PDZRN3: variants seen among roughly 807,000 people sequenced by gnomAD.
PDZRN3 encodes E3 ubiquitin-protein ligase PDZRN3.
A neutral mutation model predicts 85.7 loss-of-function variants in PDZRN3; 38 were observed. The observed-to-expected ratio is 0.44, with a 90% CI of 0.34 to 0.58. PDZRN3 has a LOEUF of 0.58. Ranked by LOEUF, PDZRN3 falls within the 20% of genes least tolerant of loss-of-function variation. The pLI is 0.01. For missense variants in PDZRN3, 1,629 were observed against 1,506.4 expected (o/e 1.08, Z -1.35); for synonymous variants, 759 against 638.0 (o/e 1.19, Z -2.86).
At chr3:73,432,977 G>T (rs1575650676) in intron 3 of PDZRN3, among the ~76,000 whole-genome samples, 1 of 152,122 alleles carries the variant, frequency 6.6e-6, no homozygotes, top group Non-Finnish European at 1.5e-5. Context: ...TAAATTATCT[G>T]GGTTGTATCG....
chr3:73,456,942 A>T (rs976257462), intron 3 of PDZRN3, among the ~76,000 whole-genome samples: 1 of 152,108 alleles, frequency 6.6e-6, no homozygotes, highest in Non-Finnish European at 1.5e-5. Context: ...GTAGGGGGAA[A>T]AAAAAAACAC....
intron 3 of PDZRN3, among the ~76,000 whole-genome samples, chr3:73,511,301 C>G (rs1316431196): frequency 6.6e-6 from 1 of 152,116 alleles, no homozygotes; most frequent in Non-Finnish European, 1.5e-5. Flanking sequence ...AACAGAAAGG[C>G]CCAAGCAGGA....
chr3:73,447,197 C>A (rs542856616), intron 3 of PDZRN3, among the ~76,000 whole-genome samples: 11 of 151,856 alleles, frequency 7.2e-5, no homozygotes, highest in South Asian at 4.2e-4. Context: ...CTTTGTGCCC[C>A]TTCTTCAACT....
intron 3 of PDZRN3, among the ~76,000 whole-genome samples, chr3:73,548,054 G>C (rs1477392125): frequency 1.3e-5 from 2 of 152,082 alleles, no homozygotes; most frequent in African/African-American, 4.8e-5. Context: ...TGCTTGCTGA[G>C]ATAAGTCTGG....
chr3:73,552,271 T>C (rs983845643), intron 3 of PDZRN3, among the ~76,000 whole-genome samples: 2 of 148,826 alleles, frequency 1.3e-5, no homozygotes, highest in African/African-American at 5.0e-5. Flanking sequence ...CCCAAACACC[T>C]TAGAACAGTC....
rs762995967 is a variant in PDZRN3 at position 73,383,943 on chromosome 3, C to T, written c.2623G>A (p.Ala875Thr). ...TAGCTCTGGTAGTGCTGGGCGTGCG[C>T]CGGGATGTGCGCGTGCTTGTATGGG... ...HSPYKHAHIPAHAQHYQSYMQ... is the reference protein window; with the variant it reads ...HSPYKHAHIPTHAQHYQSYMQ... The change falls in exon 10 of 10, where the codon GCG (alanine) becomes ACG (threonine). Residue 875 changes from alanine (A) to threonine (T), a missense_variant. By Grantham distance (58) the Ala-to-Thr change is moderately conservative. Coordinates refer to ENST00000263666, the MANE Select transcript of PDZRN3 (RefSeq NM_015009.3). 2 of 1,604,600 alleles carry T rather than the reference C, an allele frequency of 1.2e-6. No homozygotes were observed. Among genetic ancestry groups the T allele is most frequent in the Non-Finnish European group, 1.7e-6 (2 of 1,175,980 alleles).
chr3:73,614,894 A>G (rs1702737750), intron 1 of PDZRN3, among the ~76,000 whole-genome samples: 1 of 152,198 alleles, frequency 6.6e-6, no homozygotes, highest in African/African-American at 2.4e-5. Flanking sequence ...ACCCAGCTCT[A>G]AGGAAGTGAT....
rs1249845563 is a variant in PDZRN3, at chr3:73,384,308, T to C, written c.2258A>G (p.Asp753Gly). ...GCCTGTGTTGTAGGCGCTCGAGCTGTCCTTGTCGGATTTCTCCGGGAGCTC... is the reference window on the plus strand; with the variant it reads ...GCCTGTGTTGTAGGCGCTCGAGCTGCCCTTGTCGGATTTCTCCGGGAGCTC... Reference protein sequence around the residue: ...ITELPEKSDKDSSSAYNTGES... With the variant: ...ITELPEKSDKGSSSAYNTGES... The change falls in exon 10 of 10, where the codon GAC becomes GGC. Residue 753 changes from aspartate (D) to glycine (G), a missense_variant. Asp to Gly is a moderately conservative substitution (Grantham distance 94). Transcript: ENST00000263666. The C allele has an allele frequency of 1.2e-6, 2 of 1,612,382 alleles. No individual in the cohort carries two copies. Among genetic ancestry groups the C allele is most frequent in the Non-Finnish European group, 1.7e-6 (2 of 1,179,980 alleles).
chr3:73,388,918 A>G lies in PDZRN3; in HGVS notation c.1417-849T>C, dbSNP rs541492983. On this transcript the variant is annotated intron_variant, in intron 7 of 9. Transcript: ENST00000263666. ...TTCTCAGTAGTAAAGGTTAATGGAA[A>G]ACTCCAGCAATCAAAAAAAAAAAAA... Among the ~76,000 whole-genome samples the G allele has an allele frequency of 5.8e-4, 65 of 111,142 alleles. 1 individual carries two copies. The South Asian group carries it at 8.8e-3, about 15-fold the overall frequency. 72.9% of individuals were successfully genotyped at this position (111,142 alleles called of 152,430 possible).
At chr3:73,604,483 G>A (rs1702564606) in intron 2 of PDZRN3, among the ~76,000 whole-genome samples, 1 of 152,150 alleles carries the variant, frequency 6.6e-6, no homozygotes, top group Non-Finnish European at 1.5e-5. Flanking sequence ...AAACTGAGGC[G>A]AAGCGGATCC....
chr3:73,543,307 A>C (rs1333857075), intron 3 of PDZRN3, among the ~76,000 whole-genome samples: 1 of 152,222 alleles, frequency 6.6e-6, no homozygotes, highest in Non-Finnish European at 1.5e-5. Context: ...GAACTGCCTT[A>C]TACACATTTA....
At chr3:73,471,988 A>C (rs1257332141) in intron 3 of PDZRN3, among the ~76,000 whole-genome samples, 1 of 151,388 alleles carries the variant, frequency 6.6e-6, no homozygotes, top group Non-Finnish European at 1.5e-5. Flanking sequence ...TACGGGGAAA[A>C]GACCAACAAA....
intron 1 of PDZRN3, among the ~76,000 whole-genome samples, chr3:73,622,175 G>T (rs999990471): frequency 6.6e-6 from 1 of 152,186 alleles, no homozygotes; most frequent in Non-Finnish European, 1.5e-5. Context: ...CCAGTCTTTT[G>T]TGTGCCTGTG....
chr3:73,411,440 G>C (rs1010075847), intron 3 of PDZRN3, among the ~76,000 whole-genome samples: 2 of 152,190 alleles, frequency 1.3e-5, no homozygotes, highest in African/African-American at 4.8e-5. Context: ...CCCTGCTTAG[G>C]GATGTGTAGG....
intron 5 of PDZRN3, among the ~76,000 whole-genome samples, chr3:73,395,825 A>G (rs1242769596): frequency 6.6e-6 from 1 of 152,244 alleles, no homozygotes; most frequent in Non-Finnish European, 1.5e-5. Flanking sequence ...CTGGGTGCCT[A>G]CTATATGCCA....
chr3:73,492,432 C>A (rs930932696), intron 3 of PDZRN3, among the ~76,000 whole-genome samples: 1 of 152,190 alleles, frequency 6.6e-6, no homozygotes, highest in African/African-American at 2.4e-5. Flanking sequence ...GAATTTATGA[C>A]CCTTGCCTTG....
intron 3 of PDZRN3, among the ~76,000 whole-genome samples, chr3:73,507,921 C>T (rs533880333): frequency 8.0e-4 from 122 of 152,140 alleles, no homozygotes; most frequent in African/African-American, 2.8e-3. Context: ...GGTAAAACCC[C>T]GTTTCTACTA....
At chr3:73,603,117 T>C (rs758380938) in intron 2 of PDZRN3, among the ~76,000 whole-genome samples, 7 of 152,252 alleles carry the variant, frequency 4.6e-5, no homozygotes, top group Non-Finnish European at 1.0e-4. Flanking sequence ...ATACTTATTG[T>C]TCATTAGACA....
intron 3 of PDZRN3, among the ~76,000 whole-genome samples, chr3:73,571,681 C>G (rs551365123): frequency 2.0e-5 from 3 of 152,274 alleles, no homozygotes; most frequent in Admixed American, 2.0e-4. Context: ...AGTCCTGCCC[C>G]CAGAGAAGAG....
Sources: gnomAD v4.1 joint callset for allele counts (sites outside exome capture counted in the v4.1 genomes callset) on GRCh38, gnomAD v4.1.1 for gene constraint, MANE v1.5 for transcripts, NCBI Gene and HGNC (gene_info 2026-07-23, HGNC 2026-07-21) for gene names.